Variants in DNAH3 observed in about 807,000 individuals in gnomAD.
DNAH3 encodes axonemal beta dynein heavy chain 3.
DNAH3 carries 332 observed loss-of-function variants against 432.5 expected under a neutral mutation model. The ratio of observed to expected loss-of-function variants is 0.77; its 90% CI spans 0.70 to 0.84. DNAH3 has a LOEUF of 0.84. Ranked by LOEUF, DNAH3 falls within the 40% of genes least tolerant of loss-of-function variation. The probability of loss-of-function intolerance (pLI) is 0.00; values close to 1 mark genes in which losing one functional copy is unlikely to be tolerated. For synonymous variants in DNAH3, 1,956 were observed against 1,900.2 expected (o/e 1.03, Z -0.76); for missense variants, 4,861 against 5,114.0 (o/e 0.95, Z 1.51).
intron 12 of DNAH3, among the ~76,000 whole-genome samples, chr16:21,114,938 C>A (rs1292967834): frequency 6.6e-6 from 1 of 152,154 alleles, no homozygotes; most frequent in African/African-American, 2.4e-5. Context: ...AAGACACATG[C>A]ACACGTATGT....
intron 48 of DNAH3, among the ~76,000 whole-genome samples, chr16:20,983,394 G>A (rs1567578861): frequency 6.6e-6 from 1 of 152,126 alleles, no homozygotes; most frequent in East Asian, 1.9e-4. Context: ...CCAAAGTGCT[G>A]GGATTACAGG....
At chr16:21,154,576 G>C (rs949100516) in intron 1 of DNAH3, among the ~76,000 whole-genome samples, 1 of 152,142 alleles carries the variant, frequency 6.6e-6, no homozygotes, top group Non-Finnish European at 1.5e-5. Flanking sequence ...ACTATGCCCT[G>C]GGACTGCTGC....
At chr16:21,060,005 G>A (rs2090288247) in intron 26 of DNAH3, among the ~76,000 whole-genome samples, 1 of 152,116 alleles carries the variant, frequency 6.6e-6, no homozygotes. Context: ...AATCCCATTT[G>A]ACAAAAAGGA....
chr16:21,148,700 G>C (rs1187978342), intron 1 of DNAH3, among the ~76,000 whole-genome samples: 1 of 152,126 alleles, frequency 6.6e-6, no homozygotes, highest in Non-Finnish European at 1.5e-5. Context: ...CTATGTCATA[G>C]GCTTGGACTA....
At chr16:21,067,509 C>T (rs2090597440) in intron 23 of DNAH3, 90 bp from the exon 24 acceptor site, 3 of 1,411,888 alleles carry the variant, frequency 2.1e-6, no homozygotes, top group Non-Finnish European at 3.0e-6. Flanking sequence ...TATCAACTGA[C>T]AGCACTCCTT....
chr16:21,090,798 A>G (rs1042388050), intron 18 of DNAH3, among the ~76,000 whole-genome samples: 1 of 152,190 alleles, frequency 6.6e-6, no homozygotes, highest in Non-Finnish European at 1.5e-5. Flanking sequence ...AGTTTCAGTT[A>G]TACTGGAGAA....
intron 4 of DNAH3, 102 bp from the exon 6 acceptor site, chr16:21,140,812 G>C: frequency 1.9e-6 from 2 of 1,037,108 alleles, no homozygotes; most frequent in South Asian, 1.6e-5. Flanking sequence ...TCTGCAAATA[G>C]AAGCCTCTCT....
intron 40 of DNAH3, among the ~76,000 whole-genome samples, chr16:21,020,321 T>C (rs926829466): frequency 8.9e-5 from 12 of 134,560 alleles, no homozygotes; most frequent in African/African-American, 3.2e-4. Context: ...ATTTTTATTT[T>C]TACTGCTGTA....
At chr16:20,936,398 C>T (rs28491165) in intron 60 of DNAH3, among the ~76,000 whole-genome samples, 42,827 of 151,648 alleles carry the variant, frequency 0.28, 6,136 homozygotes, top group Middle Eastern at 0.31. Flanking sequence ...TCAAGTGATC[C>T]GCCTGCCTCG....
intron 57 of DNAH3, among the ~76,000 whole-genome samples, chr16:20,948,084 C>A (rs531244587): frequency 2.0e-5 from 3 of 152,268 alleles, no homozygotes; most frequent in African/African-American, 7.2e-5. Context: ...CCTGTAAGCT[C>A]TTTTCTATCC....
chr16:21,094,442 A>G (rs747125715), intron 18 of DNAH3, among the ~76,000 whole-genome samples: 1 of 152,048 alleles, frequency 6.6e-6, no homozygotes, highest in African/African-American at 2.4e-5. Context: ...AGGCCGAGGC[A>G]GGTGGATCAC....
chr16:20,974,579 GTTTTTT>G (rs752437227), intron 51 of DNAH3, among the ~76,000 whole-genome samples: 2 of 81,830 alleles, frequency 2.4e-5, no homozygotes, highest in Non-Finnish European at 4.3e-5. Flanking sequence ...GTTTTATAGT[GTTTTTT>G]TTTTTTTTTT....
At chr16:21,003,851 TC>T (rs2152693584) in intron 41 of DNAH3, among the ~76,000 whole-genome samples, 1 of 152,098 alleles carries the variant, frequency 6.6e-6, no homozygotes, top group South Asian at 2.1e-4. Flanking sequence ...AAATCCCACA[TC>T]CAGAGATAAC....
At chr16:20,992,196 C>T (rs1179282321) in intron 44 of DNAH3, among the ~76,000 whole-genome samples, 1 of 152,110 alleles carries the variant, frequency 6.6e-6, no homozygotes, top group African/African-American at 2.4e-5. Flanking sequence ...GAAATCACTA[C>T]CATTGTTGAA....
At chr16:20,965,449 T>C (rs2085013937) in intron 52 of DNAH3, 24 bp from the exon 53 acceptor site, 6 of 1,498,064 alleles carry the variant, frequency 4.0e-6, no homozygotes, top group Non-Finnish European at 5.4e-6. Context: ...GAAACAGAGA[T>C]AATGTGTTAA....
At chr16:21,055,681 T>G (rs2090107353) in intron 27 of DNAH3, among the ~76,000 whole-genome samples, 1 of 151,820 alleles carries the variant, frequency 6.6e-6, no homozygotes, top group Non-Finnish European at 1.5e-5. Flanking sequence ...TTTCTAGCTA[T>G]GTGGCTCTTG....
intron 44 of DNAH3, among the ~76,000 whole-genome samples, chr16:20,988,476 G>A (rs530042766): frequency 2.6e-5 from 4 of 152,242 alleles, no homozygotes; most frequent in African/African-American, 7.2e-5. Flanking sequence ...GTGCAGTGGT[G>A]CCATCTCAGT....
At chr16:21,123,228 T>C (rs1025237405) in intron 9 of DNAH3, among the ~76,000 whole-genome samples, 11 of 151,858 alleles carry the variant, frequency 7.2e-5, no homozygotes, top group Admixed American at 3.3e-4. Context: ...GACATAGAGC[T>C]ATTTCCAATT....
intron 28 of DNAH3, among the ~76,000 whole-genome samples, chr16:21,052,355 T>C (rs1288702979): frequency 6.6e-6 from 1 of 152,204 alleles, no homozygotes; most frequent in Non-Finnish European, 1.5e-5. Context: ...CAATATCTGT[T>C]AGAAGCTGGT....
Sources: gnomAD v4.1 joint callset for allele counts (sites outside exome capture counted in the v4.1 genomes callset) on GRCh38, gnomAD v4.1.1 for gene constraint, MANE v1.5 for transcripts, NCBI Gene and HGNC (gene_info 2026-07-23, HGNC 2026-07-21) for gene names.